Variants in ARRB1 observed in about 807,000 individuals in gnomAD.
The protein encoded by ARRB1 is beta-arrestin-1.
A neutral mutation model predicts 56.8 loss-of-function variants in ARRB1; 21 were observed. That is an observed-to-expected ratio of 0.37 (90% CI 0.26 to 0.53). The LOEUF (loss-of-function observed/expected upper bound fraction) is 0.53, where lower values mean the gene tolerates loss of function less well. ARRB1 is among the 20% of genes least tolerant of loss of function. The pLI is 0.88. For synonymous variants in ARRB1, 210 were observed against 218.6 expected (o/e 0.96, Z 0.35); for missense variants, 424 against 553.7 (o/e 0.77, Z 2.35).
intron 5 of ARRB1, among the ~76,000 whole-genome samples, chr11:75,282,826 G>T (rs1946380601): frequency 6.6e-6 from 1 of 152,342 alleles, no homozygotes; most frequent in South Asian, 2.1e-4. Context: ...GAATCAGAGA[G>T]CCTAAGAAAC....
chr11:75,269,216 TG>T, intron 13 of ARRB1: 1 of 702,288 alleles, frequency 1.4e-6, no homozygotes, highest in Non-Finnish European at 2.6e-6. Context: ...TCCCACGGGC[TG>T]GGAAGAGGCC....
At chr11:75,287,527 G>T in intron 2 of ARRB1, 152 bp from the exon 3 acceptor site, 1 of 682,004 alleles carries the variant, frequency 1.5e-6, no homozygotes, top group Non-Finnish European at 2.4e-6. Flanking sequence ...CTTCACCCCA[G>T]CCCTAATACC....
At chr11:75,348,906 C>T (rs1030669729) in intron 1 of ARRB1, among the ~76,000 whole-genome samples, 31 of 152,274 alleles carry the variant, frequency 2.0e-4, no homozygotes, top group Admixed American at 1.6e-3. Context: ...AGGTATTTAA[C>T]ACCTCTTTCC....
chr11:75,304,731 C>T (rs540126890), intron 1 of ARRB1, among the ~76,000 whole-genome samples: 4 of 151,764 alleles, frequency 2.6e-5, no homozygotes, highest in African/African-American at 7.2e-5. Flanking sequence ...CCCAAACCCC[C>T]CGCAAAGGAT....
chr11:75,332,759 G>T (rs1175232654), intron 1 of ARRB1, among the ~76,000 whole-genome samples: 1 of 152,140 alleles, frequency 6.6e-6, no homozygotes, highest in Non-Finnish European at 1.5e-5. Flanking sequence ...GCCAGGTGTG[G>T]TCAGGCGCAC....
chr11:75,316,324 CA>C (rs11361682), intron 1 of ARRB1, among the ~76,000 whole-genome samples: 4,960 of 115,894 alleles, frequency 0.043, 238 homozygotes, highest in African/African-American at 0.14. Context: ...GAGACTCTGT[CA>C]AAAAAAAAAA....
At chr11:75,279,827 C>G (rs1946287531) in intron 7 of ARRB1, among the ~76,000 whole-genome samples, 1 of 152,160 alleles carries the variant, frequency 6.6e-6, no homozygotes, top group African/African-American at 2.4e-5. Context: ...GCCACCACAC[C>G]TGCCTAATTT....
intron 1 of ARRB1, among the ~76,000 whole-genome samples, chr11:75,304,109 C>T (rs1258243158): frequency 6.6e-6 from 1 of 152,092 alleles, no homozygotes; most frequent in East Asian, 1.9e-4. Flanking sequence ...CAAGACAGGC[C>T]ATTATTTTCC....
At chr11:75,327,464 G>A (rs1477929293) in intron 1 of ARRB1, among the ~76,000 whole-genome samples, 1 of 151,964 alleles carries the variant, frequency 6.6e-6, no homozygotes, top group East Asian at 1.9e-4. Flanking sequence ...ACATCAACCA[G>A]CAGAAAAAAT....
intron 1 of ARRB1, among the ~76,000 whole-genome samples, chr11:75,316,287 A>C (rs186185575): frequency 2.6e-5 from 4 of 151,506 alleles, no homozygotes; most frequent in Non-Finnish European, 5.9e-5. Flanking sequence ...AGATTGCACC[A>C]TTGCACTCCA....
chr11:75,288,384 G>A (rs667791), intron 2 of ARRB1, among the ~76,000 whole-genome samples: 85,752 of 151,858 alleles, frequency 0.56, 24,621 homozygotes, highest in Non-Finnish European at 0.61. Context: ...AAAAACCCCC[G>A]AGACAGAATT....
chr11:75,271,861 C>G (rs1251961668), intron 12 of ARRB1, 137 bp from the exon 13 acceptor site: 3 of 893,520 alleles, frequency 3.4e-6, no homozygotes, highest in East Asian at 5.7e-5. Context: ...ACCCACCCCC[C>G]TGCACAGCCC....
At chr11:75,316,521 C>T (rs2140489718) in intron 1 of ARRB1, among the ~76,000 whole-genome samples, 2 of 152,186 alleles carry the variant, frequency 1.3e-5, no homozygotes, top group South Asian at 4.1e-4. Flanking sequence ...GAGGAATGGA[C>T]TATTCACTGA....
Position 75,281,834 on chromosome 11 carries a change from C to T in ARRB1, c.414+128G>A, listed in dbSNP as rs890351181. On this transcript the variant is annotated intron_variant, in intron 6 of 15. Transcript: ENST00000420843. Reference sequence around the variant, plus strand: ...GTTGTCCAAGGTGGGACCAGCTTAGCCTAGACACAAAGACTGTTCAACAGG... The same window carrying T: ...GTTGTCCAAGGTGGGACCAGCTTAGTCTAGACACAAAGACTGTTCAACAGG... The T allele has an allele frequency of 2.9e-5, 28 of 966,320 alleles. No individual in the cohort carries two copies. The Admixed American group carries it at 6.2e-4, about 21-fold the overall frequency. The allele number at this position is 966,320 out of a possible 1,614,324, so 59.9% of individuals were successfully genotyped here.
chr11:75,345,452 T>C (rs145682603), intron 1 of ARRB1, among the ~76,000 whole-genome samples: 7 of 152,128 alleles, frequency 4.6e-5, no homozygotes, highest in East Asian at 1.9e-4. Flanking sequence ...CCTGTCCACA[T>C]AGGAGGGAAG....
At chr11:75,283,543 A>G in intron 4 of ARRB1, 60 bp from the exon 5 acceptor site, 1 of 1,487,968 alleles carries the variant, frequency 6.7e-7, no homozygotes, top group Non-Finnish European at 9.0e-7. Flanking sequence ...AGCCCCCCAG[A>G]GTGCCGGCAG....
intron 1 of ARRB1, chr11:75,312,066 G>A (rs761565189): frequency 2.3e-6 from 3 of 1,289,322 alleles, no homozygotes; most frequent in South Asian, 2.5e-5. Context: ...GATCACCTCA[G>A]CCTCTCCCGC....
chr11:75,291,302 C>G (rs1946607234), intron 1 of ARRB1, among the ~76,000 whole-genome samples: 1 of 152,172 alleles, frequency 6.6e-6, no homozygotes, highest in Non-Finnish European at 1.5e-5. Flanking sequence ...CCACTGCACT[C>G]CAGCCTGGGC....
intron 1 of ARRB1, among the ~76,000 whole-genome samples, chr11:75,327,100 G>A (rs913833905): frequency 9.2e-5 from 14 of 151,838 alleles, no homozygotes. Flanking sequence ...GGGTCACGAG[G>A]TCAGGAGATC....
Sources: allele counts gnomAD v4.1 joint callset (sites outside exome capture counted in the v4.1 genomes callset), GRCh38; gene constraint gnomAD v4.1.1; transcripts MANE v1.5; gene names NCBI Gene and HGNC (gene_info 2026-07-23, HGNC 2026-07-21).